The following FAT3 variants were observed in gnomAD, a reference collection of about 807,000 sequenced individuals.
FAT3 encodes the protein protocadherin Fat 3.
FAT3 carries 95 observed loss-of-function variants against 310.2 expected under a neutral mutation model. The ratio of observed to expected loss-of-function variants is 0.31; its 90% CI spans 0.26 to 0.36. The LOEUF is 0.36. Ranked by LOEUF, FAT3 falls within the 10% of genes least tolerant of loss-of-function variation. FAT3 has a pLI of 1.00. For missense variants in FAT3, 5,408 were observed against 5,715.6 expected (o/e 0.95, Z 1.74); for synonymous variants, 2,314 against 2,192.9 (o/e 1.06, Z -1.54).
chr11:92,648,828 A>C (rs1163102290), intron 3 of FAT3, among the ~76,000 whole-genome samples: 5 of 152,136 alleles, frequency 3.3e-5, no homozygotes, highest in Non-Finnish European at 5.9e-5. Flanking sequence ...TCCACATTTA[A>C]ATAAGGCCTG....
chr11:92,390,475 C>G (rs1949724416), intron 2 of FAT3, among the ~76,000 whole-genome samples: 1 of 152,090 alleles, frequency 6.6e-6, no homozygotes, highest in Non-Finnish European at 1.5e-5. Context: ...GGTCAAGGAG[C>G]CATAGTGGTT....
chr11:92,313,645 C>T (rs190730979), intron 1 of FAT3, among the ~76,000 whole-genome samples: 70 of 152,250 alleles, frequency 4.6e-4, no homozygotes, highest in African/African-American at 1.7e-3. Context: ...CTGCAACCTC[C>T]GCCTCCTGGG....
intron 3 of FAT3, among the ~76,000 whole-genome samples, chr11:92,550,688 A>G (rs1954780850): frequency 6.6e-6 from 1 of 152,068 alleles, no homozygotes; most frequent in Non-Finnish European, 1.5e-5. Flanking sequence ...GCAATTGGCA[A>G]GCTATTACCC....
At chr11:92,843,529 C>T (rs1439335570) in intron 18 of FAT3, among the ~76,000 whole-genome samples, 1 of 152,270 alleles carries the variant, frequency 6.6e-6, no homozygotes, top group African/African-American at 2.4e-5. Context: ...TATCTGGGTC[C>T]AGTCAAAAGG....
intron 1 of FAT3, among the ~76,000 whole-genome samples, chr11:92,320,880 A>AGG (rs5793596): frequency 0.046 from 6,774 of 148,380 alleles, 248 homozygotes; most frequent in African/African-American, 0.091. Flanking sequence ...AAAAAAAAAA[A>AGG]GGGGGGGGTA....
At chr11:92,441,035 C>A (rs1340855169) in intron 2 of FAT3, among the ~76,000 whole-genome samples, 1 of 152,158 alleles carries the variant, frequency 6.6e-6, no homozygotes, top group Non-Finnish European at 1.5e-5. Context: ...CACTACTTGT[C>A]ATTTATTAAG....
chr11:92,336,241 TC>T, intron 1 of FAT3: 2 of 561,036 alleles, frequency 3.6e-6, no homozygotes, highest in South Asian at 2.9e-5. Flanking sequence ...ACTCACATGT[TC>T]CAGATGTCCA....
At chr11:92,372,538 A>G (rs562870178) in intron 2 of FAT3, among the ~76,000 whole-genome samples, 106 of 152,240 alleles carry the variant, frequency 7.0e-4, no homozygotes, top group African/African-American at 2.4e-3. Context: ...GCAAAATGAC[A>G]CATTTCCCAA....
chr11:92,336,916 G>A (rs1451859153), intron 1 of FAT3, among the ~76,000 whole-genome samples: 1 of 152,042 alleles, frequency 6.6e-6, no homozygotes, highest in Non-Finnish European at 1.5e-5. Flanking sequence ...AAATATAATA[G>A]TATTATAACC....
chr11:92,646,500 G>A (rs138671279), intron 3 of FAT3, among the ~76,000 whole-genome samples: 2,700 of 152,294 alleles, frequency 0.018, 34 homozygotes, highest in Non-Finnish European at 0.029. Context: ...AAGTACAAAA[G>A]AAATTGCAGC....
At chr11:92,341,798 A>G (rs1163050745) in intron 1 of FAT3, among the ~76,000 whole-genome samples, 1 of 152,088 alleles carries the variant, frequency 6.6e-6, no homozygotes, top group Admixed American at 6.6e-5. Flanking sequence ...ACTATTTTAG[A>G]GTCTCAGCCA....
chr11:92,882,585 T>TCCCCCCCCCCCCCCCCCCCCCCCCCC (rs58520864), intron 23 of FAT3, among the ~76,000 whole-genome samples, 153 bp from the exon 24 acceptor site: 1 of 93,172 alleles, frequency 1.1e-5, no homozygotes, highest in Non-Finnish European at 2.2e-5. Context: ...TAACTCCCCC[T>TCCCCCCCCCCCCCCCCCCCCCCCCCC]CCCCCCCCCC....
chr11:92,714,337 C>G (rs992436871), intron 4 of FAT3, among the ~76,000 whole-genome samples: 1 of 152,092 alleles, frequency 6.6e-6, no homozygotes, highest in African/African-American at 2.4e-5. Context: ...AGATAATCCT[C>G]CACTCCAGTA....
rs1443628025 is a variant in FAT3, at chr11:92,837,654, C to A, written c.10225-9C>A. The A allele has an allele frequency of 6.2e-7, 1 of 1,613,566 alleles. No individual in the cohort carries two copies. Among genetic ancestry groups the A allele is most frequent in the Non-Finnish European group, 8.5e-7 (1 of 1,179,728 alleles). On this transcript the variant is annotated splice_polypyrimidine_tract_variant and intron_variant, in intron 16 of 27. Coordinates refer to ENST00000525166, the MANE Select transcript of FAT3 (RefSeq NM_001367949.2). ...ACCTCTTTACTGTCACCTCTTTGTA[C>A]CTTGGCAGGTGTCTGGATACTCTCT... is the stretch of plus-strand genomic sequence containing the variant.
At position 92,829,932 on chromosome 11, in the gene FAT3, G is replaced by A. The variant is rs190272438; in HGVS notation, c.9482-1690G>A. On this transcript the variant is annotated intron_variant, in intron 13 of 27. Transcript: ENST00000525166. Reference sequence around the variant, plus strand: ...GGTTTGCTGGGAACTTGGGCTTAAGGGAAATTGTACATTGGGAAAGTAAAA... The same window carrying A: ...GGTTTGCTGGGAACTTGGGCTTAAGAGAAATTGTACATTGGGAAAGTAAAA... Among the ~76,000 whole-genome samples, 399 of 152,108 alleles carry A rather than the reference G, an allele frequency of 2.6e-3. 1 individual carries two copies. Among genetic ancestry groups the A allele is most frequent in the African/African-American group, 9.1e-3 (376 of 41,466 alleles).
At chr11:92,816,489 C>T (rs200083038) in intron 13 of FAT3, among the ~76,000 whole-genome samples, 1 of 152,168 alleles carries the variant, frequency 6.6e-6, no homozygotes, top group East Asian at 1.9e-4. Flanking sequence ...CAGGCTGGCC[C>T]ACCTGCACAG....
intron 2 of FAT3, among the ~76,000 whole-genome samples, chr11:92,438,053 G>A (rs1309261094): frequency 1.3e-5 from 2 of 152,168 alleles, no homozygotes; most frequent in South Asian, 2.1e-4. Flanking sequence ...AAATGTGCCT[G>A]CCTCTGCTGT....
chr11:92,280,699 C>T (rs1165626885), intron 1 of FAT3, among the ~76,000 whole-genome samples: 2 of 152,152 alleles, frequency 1.3e-5, no homozygotes, highest in African/African-American at 2.4e-5. Context: ...CAAGGCTGTT[C>T]ATGCTTTATT....
chr11:92,357,505 G>A (rs528245021), intron 2 of FAT3, among the ~76,000 whole-genome samples: 19 of 152,264 alleles, frequency 1.2e-4, no homozygotes, highest in Non-Finnish European at 2.2e-4. Context: ...GACTAATGGT[G>A]CTGGTCATTG....
Sources: allele counts gnomAD v4.1 joint callset (sites outside exome capture counted in the v4.1 genomes callset), GRCh38; gene constraint gnomAD v4.1.1; transcripts MANE v1.5; gene names NCBI Gene and HGNC (gene_info 2026-07-23, HGNC 2026-07-21).